The following ALCAM variants were observed in gnomAD, a reference collection of about 807,000 sequenced individuals.
ALCAM encodes the protein activated leukocyte cell adhesion molecule.
ALCAM carries 30 observed loss-of-function variants against 70.9 expected under a neutral mutation model. That is an observed-to-expected ratio of 0.42 (90% confidence interval 0.32 to 0.57). The LOEUF is 0.57. Among genes scored for constraint, ALCAM ranks in the 20% least tolerant of loss-of-function variants. The probability of loss-of-function intolerance (pLI) is 0.11; values close to 1 mark genes in which losing one functional copy is unlikely to be tolerated. For synonymous variants in ALCAM, 249 were observed against 242.5 expected, an observed-to-expected ratio of 1.03 and a Z score of -0.25; for missense variants, 591 against 695.1, an observed-to-expected ratio of 0.85 and a Z score of 1.68.
intron 1 of ALCAM, among the ~76,000 whole-genome samples, chr3:105,397,379 C>CA (rs1379036536): frequency 6.6e-6 from 1 of 151,738 alleles, no homozygotes; most frequent in Non-Finnish European, 1.5e-5. Flanking sequence ...CTTTGTAATT[C>CA]AAAATTATGT....
intron 1 of ALCAM, among the ~76,000 whole-genome samples, chr3:105,404,052 A>G (rs1302831398): frequency 6.6e-6 from 1 of 151,376 alleles, no homozygotes; most frequent in African/African-American, 2.4e-5. Flanking sequence ...AAAAGAATGG[A>G]AAAAAAATGA....
chr3:105,502,976 A>T (rs1247735509), intron 1 of ALCAM, among the ~76,000 whole-genome samples: 1 of 152,250 alleles, frequency 6.6e-6, no homozygotes, highest in Non-Finnish European at 1.5e-5. Flanking sequence ...ACTTGTTATT[A>T]ACATTTTATT....
At chr3:105,553,272 A>G (rs1441525351) in intron 14 of ALCAM, 2 of 247,520 alleles carry the variant, frequency 8.1e-6, no homozygotes, top group Non-Finnish European at 1.3e-5. Flanking sequence ...TTCTTAACAT[A>G]CACACATGTC....
chr3:105,523,057 G>C (rs2152623793), intron 2 of ALCAM, among the ~76,000 whole-genome samples: 1 of 148,212 alleles, frequency 6.7e-6, no homozygotes, highest in East Asian at 2.0e-4. Context: ...GGAGAATGGC[G>C]TGAACCCGGG....
intron 1 of ALCAM, among the ~76,000 whole-genome samples, chr3:105,487,786 A>G (rs79603099): frequency 0.016 from 2,371 of 152,236 alleles, 25 homozygotes; most frequent in Middle Eastern, 0.048. Context: ...AGAAAACAAA[A>G]CCAGCTCAGG....
At chr3:105,520,248 C>G in intron 2 of ALCAM, 81 bp downstream of exon 2, 1 of 989,294 alleles carries the variant, frequency 1.0e-6, no homozygotes, top group Non-Finnish European at 1.6e-6. Flanking sequence ...CTGTGAATTT[C>G]AAATTAACCT....
At chr3:105,420,916 A>G (rs1936634147) in intron 1 of ALCAM, among the ~76,000 whole-genome samples, 1 of 151,498 alleles carries the variant, frequency 6.6e-6, no homozygotes, top group Non-Finnish European at 1.5e-5. Context: ...TCTCTGAGGA[A>G]GAGTATTCAA....
intron 1 of ALCAM, among the ~76,000 whole-genome samples, chr3:105,414,683 A>C (rs992573791): frequency 4.6e-5 from 7 of 152,140 alleles, no homozygotes; most frequent in African/African-American, 1.7e-4. Context: ...AGTTATGTTT[A>C]TTTGTGAAAA....
intron 1 of ALCAM, among the ~76,000 whole-genome samples, chr3:105,514,150 A>C (rs1939319159): frequency 6.6e-6 from 1 of 151,804 alleles, no homozygotes; most frequent in Admixed American, 6.6e-5. Context: ...AAAACCTCAC[A>C]CTGATTTCAT....
chr3:105,520,376 C>G (rs1376694675), intron 2 of ALCAM, among the ~76,000 whole-genome samples: 1 of 152,074 alleles, frequency 6.6e-6, no homozygotes, highest in Non-Finnish European at 1.5e-5. Context: ...CCAATAAACA[C>G]ATAGTTCTTA....
Position 105,524,412 on chromosome 3 carries a change from A to G in ALCAM, c.298A>G (p.Ile100Val), listed in dbSNP as rs537535274. The G allele has an allele frequency of 3.1e-5, 50 of 1,614,164 alleles. No homozygotes were observed. In the East Asian group the frequency reaches 8.7e-4, roughly 28 times the overall value. Residue 100 changes from isoleucine to valine, a missense_variant, in exon 3 of 16, where the codon ATC becomes GTC. Coordinates refer to ENST00000306107, the MANE Select transcript of ALCAM (RefSeq NM_001627.4). ...CCTCTCAGAAAACTACACTTTGTCT[A>G]TCAGTAATGCAAGGATCAGTGATGA... ...LNLSENYTLS[I>V]SNARISDEKR... is the part of the protein sequence containing the mutation.
intron 6 of ALCAM, among the ~76,000 whole-genome samples, chr3:105,536,093 CT>C (rs71299365): frequency 2.0e-3 from 281 of 141,726 alleles, no homozygotes; most frequent in Middle Eastern, 3.8e-3. Flanking sequence ...TTCTTTCTTT[CT>C]TTTTTTTTTT....
At chr3:105,379,186 A>G (rs1202821501) in intron 1 of ALCAM, among the ~76,000 whole-genome samples, 1 of 152,012 alleles carries the variant, frequency 6.6e-6, no homozygotes, top group East Asian at 1.9e-4. Flanking sequence ...AGTGCCTAGC[A>G]CATTGTAGAC....
intron 1 of ALCAM, among the ~76,000 whole-genome samples, chr3:105,409,382 AG>A (rs1936330291): frequency 6.6e-6 from 1 of 152,180 alleles, no homozygotes; most frequent in Non-Finnish European, 1.5e-5. Flanking sequence ...AGCCATAAAA[AG>A]GAAGGAAATA....
chr3:105,410,914 A>AT (rs1398449533), intron 1 of ALCAM, among the ~76,000 whole-genome samples: 4 of 151,994 alleles, frequency 2.6e-5, no homozygotes, highest in Non-Finnish European at 5.9e-5. Flanking sequence ...AAAAAGTGTA[A>AT]TTTTTCCCAT....
chr3:105,511,064 G>T (rs373710300), intron 1 of ALCAM, among the ~76,000 whole-genome samples: 1 of 151,882 alleles, frequency 6.6e-6, no homozygotes, highest in South Asian at 2.1e-4. Flanking sequence ...AAATTATCTT[G>T]TTCTTTTTCC....
intron 1 of ALCAM, among the ~76,000 whole-genome samples, chr3:105,464,708 C>T (rs944721477): frequency 6.6e-6 from 1 of 151,350 alleles, no homozygotes; most frequent in East Asian, 1.9e-4. Flanking sequence ...GCAAAATTAA[C>T]TGCAGATAAT....
chr3:105,411,019 T>G (rs1447058358), intron 1 of ALCAM, among the ~76,000 whole-genome samples: 1 of 152,054 alleles, frequency 6.6e-6, no homozygotes, highest in Non-Finnish European at 1.5e-5. Flanking sequence ...AATGGAGTTG[T>G]TAAACATCAT....
At chr3:105,560,911 G>A (rs1940617701) in intron 14 of ALCAM, among the ~76,000 whole-genome samples, 2 of 152,116 alleles carry the variant, frequency 1.3e-5, no homozygotes, top group African/African-American at 4.8e-5. Flanking sequence ...ATAAATTTTA[G>A]CAACTTGCTA....
Sources: allele counts gnomAD v4.1 joint callset (sites outside exome capture counted in the v4.1 genomes callset), GRCh38; gene constraint gnomAD v4.1.1; transcripts MANE v1.5; gene names NCBI Gene and HGNC (gene_info 2026-07-23, HGNC 2026-07-21).